Variants in TAX1BP1 observed in about 807,000 individuals in gnomAD.
TAX1BP1 encodes the protein Tax1 binding protein 1, also known as tax1-binding protein 1.
TAX1BP1 carries 62 observed loss-of-function variants against 97.7 expected under a neutral mutation model. That is an observed-to-expected ratio of 0.63 (90% confidence interval 0.52 to 0.78). TAX1BP1 has a LOEUF of 0.78. Among genes scored for constraint, TAX1BP1 ranks in the 30% least tolerant of loss-of-function variants. The pLI is 0.00. For missense variants in TAX1BP1, 867 were observed against 916.1 expected (o/e 0.95, Z 0.69); for synonymous variants, 340 against 304.2 (o/e 1.12, Z -1.23).
intron 5 of TAX1BP1, among the ~76,000 whole-genome samples, chr7:27,778,496 C>T (rs1789121136): frequency 6.6e-6 from 1 of 152,010 alleles, no homozygotes. Flanking sequence ...CAGGATTATT[C>T]AGTTGCAGAT....
chr7:27,809,337 C>G (rs1456086781), intron 13 of TAX1BP1, among the ~76,000 whole-genome samples: 1 of 152,194 alleles, frequency 6.6e-6, no homozygotes, highest in Non-Finnish European at 1.5e-5. Flanking sequence ...GGCCAAGTTA[C>G]AGGTACCACA....
chr7:27,762,706 T>C (rs954528412), intron 3 of TAX1BP1, among the ~76,000 whole-genome samples: 1 of 152,214 alleles, frequency 6.6e-6, no homozygotes, highest in African/African-American at 2.4e-5. Context: ...GTTAACATTT[T>C]GTGAGGCCAA....
At chr7:27,760,240 T>C (rs1788372971) in intron 3 of TAX1BP1, among the ~76,000 whole-genome samples, 1 of 152,130 alleles carries the variant, frequency 6.6e-6, no homozygotes, top group Non-Finnish European at 1.5e-5. Context: ...TAAATTTGTT[T>C]TAACAAACTA....
chr7:27,787,670 T>C, intron 8 of TAX1BP1, 67 bp downstream of exon 8: 1 of 1,361,258 alleles, frequency 7.3e-7, no homozygotes, highest in Non-Finnish European at 9.7e-7. Flanking sequence ...GCAATATGAT[T>C]TTCATTTTTA....
intron 13 of TAX1BP1, chr7:27,803,249 G>A: frequency 7.6e-7 from 1 of 1,322,436 alleles, no homozygotes; most frequent in Non-Finnish European, 9.9e-7. Context: ...TTTATGAAGA[G>A]ACACATTTTG....
chr7:27,806,781 C>T (rs1790358556), intron 13 of TAX1BP1, among the ~76,000 whole-genome samples: 1 of 152,056 alleles, frequency 6.6e-6, no homozygotes, highest in Non-Finnish European at 1.5e-5. Flanking sequence ...ACTTTTCTAG[C>T]TCTAGAAATG....
intron 5 of TAX1BP1, among the ~76,000 whole-genome samples, chr7:27,778,797 G>C (rs1002740258): frequency 6.6e-6 from 1 of 151,692 alleles, no homozygotes; most frequent in Admixed American, 6.6e-5. Flanking sequence ...GCGAGGTGGA[G>C]GTTGCAGTGA....
intron 11 of TAX1BP1, among the ~76,000 whole-genome samples, chr7:27,795,503 A>G (rs1047280760): frequency 1.3e-5 from 2 of 152,126 alleles, no homozygotes; most frequent in African/African-American, 4.8e-5. Context: ...CTATTCAGTT[A>G]TATAAGGAGA....
chr7:27,773,106 A>G (rs1021833876), intron 5 of TAX1BP1, among the ~76,000 whole-genome samples: 2 of 152,118 alleles, frequency 1.3e-5, no homozygotes, highest in Non-Finnish European at 2.9e-5. Context: ...CCTGTGAAGT[A>G]AGCAGTATCG....
intron 5 of TAX1BP1, among the ~76,000 whole-genome samples, chr7:27,778,576 T>C (rs573466311): frequency 1.4e-4 from 21 of 152,210 alleles, no homozygotes; most frequent in Non-Finnish European, 2.8e-4. Context: ...AAAAAACTTA[T>C]ACAATTGGCC....
At chr7:27,751,820 T>C (rs1788029148) in intron 2 of TAX1BP1, among the ~76,000 whole-genome samples, 1 of 152,016 alleles carries the variant, frequency 6.6e-6, no homozygotes. Context: ...TAAAAATTTA[T>C]TATTATTATT....
intron 13 of TAX1BP1, 125 bp from the exon 14 acceptor site, chr7:27,816,224 A>C: frequency 1.3e-6 from 1 of 756,276 alleles, no homozygotes; most frequent in Non-Finnish European, 2.0e-6. Context: ...TGTGTTTCCA[A>C]TTGCATTCCA....
chr7:27,793,830 CAT>C (rs1789810280), intron 10 of TAX1BP1, among the ~76,000 whole-genome samples: 1 of 152,152 alleles, frequency 6.6e-6, no homozygotes, highest in Non-Finnish European at 1.5e-5. Flanking sequence ...GTAGAAGAAA[CAT>C]ATTTAAAACC....
At chr7:27,763,724 G>GC (rs1788516161) in intron 3 of TAX1BP1, among the ~76,000 whole-genome samples, 1 of 151,478 alleles carries the variant, frequency 6.6e-6, no homozygotes, top group Non-Finnish European at 1.5e-5. Context: ...GCTGAGATCA[G>GC]GCCACTGCAC....
chr7:27,816,197 G>A (rs1187215338), intron 13 of TAX1BP1, 152 bp from the exon 14 acceptor site: 11 of 593,516 alleles, frequency 1.9e-5, no homozygotes, highest in Non-Finnish European at 3.0e-5. Flanking sequence ...GAGAAGTTGA[G>A]AGCCAGCTTT....
chr7:27,793,190 TAAAC>T lies in TAX1BP1; in HGVS notation c.1393_1396del (p.Lys465PhefsTer22), dbSNP rs757893394. 1.1e-5 allele frequency: 18 copies of T among 1,586,882 alleles called. No homozygotes were observed. The highest frequency in any genetic ancestry group is 4.0e-5 in the Admixed American group (2 of 49,920). ...GAATGCCAAAGGCTCCAAAAACAAA[TAAAC>T]AAACTTTCAGATCAATCAGTAAGTA... On this transcript the variant is annotated frameshift_variant, in exon 10 of 17. Transcript: ENST00000396319. LOFTEE classifies it high-confidence loss of function.
At chr7:27,759,272 A>G (rs758667209) in intron 3 of TAX1BP1, among the ~76,000 whole-genome samples, 70 of 152,174 alleles carry the variant, frequency 4.6e-4, no homozygotes, top group Non-Finnish European at 7.9e-4. Flanking sequence ...GTGCTTCAAA[A>G]TCTGTGTGTT....
intron 5 of TAX1BP1, among the ~76,000 whole-genome samples, chr7:27,771,471 A>T (rs933012864): frequency 6.6e-6 from 1 of 151,802 alleles, no homozygotes; most frequent in African/African-American, 2.4e-5. Context: ...ATTTGTGTGA[A>T]ATTACATATA....
At chr7:27,771,680 T>G (rs1199774237) in intron 5 of TAX1BP1, among the ~76,000 whole-genome samples, 1 of 151,880 alleles carries the variant, frequency 6.6e-6, no homozygotes. Flanking sequence ...TCAGAAGAGG[T>G]CTTCAGCAGA....
Sources: allele counts gnomAD v4.1 joint callset (sites outside exome capture counted in the v4.1 genomes callset), GRCh38; gene constraint gnomAD v4.1.1; transcripts MANE v1.5; gene names NCBI Gene and HGNC (gene_info 2026-07-23, HGNC 2026-07-21).